SLC14A2: variants seen among roughly 807,000 people sequenced by gnomAD.
The protein encoded by SLC14A2 is solute carrier family 14 member 2.
Under a neutral mutation model 104.6 loss-of-function variants are expected in SLC14A2, and 91 were observed. That is an observed-to-expected ratio of 0.87 (90% CI 0.73 to 1.04). SLC14A2 has a LOEUF of 1.04. SLC14A2 is among the 50% of genes least tolerant of loss of function. The pLI is 0.00. For missense variants in SLC14A2, 1,189 were observed against 1,156.0 expected (o/e 1.03, Z -0.41); for synonymous variants, 476 against 466.4 (o/e 1.02, Z -0.27).
intron 2 of SLC14A2, among the ~76,000 whole-genome samples, chr18:45,545,025 C>T (rs2043949452): frequency 6.6e-6 from 1 of 152,014 alleles, no homozygotes; most frequent in Non-Finnish European, 1.5e-5. Flanking sequence ...AACTCCCGAC[C>T]TCAGGTGATC....
chr18:45,628,477 C>T (rs1244443549), intron 4 of SLC14A2, among the ~76,000 whole-genome samples: 2 of 150,550 alleles, frequency 1.3e-5, no homozygotes, highest in South Asian at 2.1e-4. Context: ...AGAAAGAAAT[C>T]GTTTTGGCCC....
intron 1 of SLC14A2, among the ~76,000 whole-genome samples, chr18:45,381,765 C>T (rs914752777): frequency 1.3e-4 from 19 of 151,982 alleles, no homozygotes; most frequent in African/African-American, 4.6e-4. Context: ...TGAGTGGCAC[C>T]AGGTTTGAGA....
chr18:45,485,450 T>C (rs1283669995), intron 2 of SLC14A2: 1 of 152,154 alleles, frequency 6.6e-6, no homozygotes, highest in Non-Finnish European at 1.5e-5. Flanking sequence ...GCACCTGGGT[T>C]GGTGAGGAGG....
chr18:45,291,303 A>G (rs1599648201), intron 1 of SLC14A2, among the ~76,000 whole-genome samples: 1 of 152,176 alleles, frequency 6.6e-6, no homozygotes, highest in Non-Finnish European at 1.5e-5. Flanking sequence ...AGAAAAAAAA[A>G]AGAGACAATT....
intron 2 of SLC14A2, among the ~76,000 whole-genome samples, chr18:45,505,354 C>A (rs1381061037): frequency 6.6e-6 from 1 of 152,098 alleles, no homozygotes; most frequent in African/African-American, 2.4e-5. Context: ...TGCCTGCTAT[C>A]CATGTAAATT....
At chr18:45,437,241 G>A (rs541109472) in intron 1 of SLC14A2, among the ~76,000 whole-genome samples, 18 of 152,320 alleles carry the variant, frequency 1.2e-4, no homozygotes, top group African/African-American at 3.8e-4. Flanking sequence ...AAAGCTACCA[G>A]AGAGGGAATT....
chr18:45,479,956 C>T (rs1416136036), intron 1 of SLC14A2, among the ~76,000 whole-genome samples: 1 of 152,100 alleles, frequency 6.6e-6, no homozygotes, highest in African/African-American at 2.4e-5. Context: ...TGAGGGTCTT[C>T]ATCATGGGTG....
intron 1 of SLC14A2, among the ~76,000 whole-genome samples, chr18:45,219,169 A>G (rs1372997161): frequency 6.6e-6 from 1 of 152,212 alleles, no homozygotes; most frequent in Non-Finnish European, 1.5e-5. Context: ...ACTTAGATTC[A>G]TAGTCAGATA....
At chr18:45,600,877 T>C (rs2044780372) in intron 2 of SLC14A2, among the ~76,000 whole-genome samples, 1 of 152,246 alleles carries the variant, frequency 6.6e-6, no homozygotes, top group Admixed American at 6.5e-5. Flanking sequence ...GCCCTGTTTA[T>C]ACAGGGCCAT....
At chr18:45,507,319 G>T (rs1282276413) in intron 2 of SLC14A2, 1 of 152,560 alleles carries the variant, frequency 6.6e-6, no homozygotes, top group East Asian at 1.9e-4. Flanking sequence ...ATGCGCAGAG[G>T]TCAGATGAGA....
intron 1 of SLC14A2, among the ~76,000 whole-genome samples, chr18:45,314,705 G>A (rs116658260): frequency 4.1e-3 from 628 of 152,308 alleles, no homozygotes; most frequent in African/African-American, 0.015. Flanking sequence ...TACTAGGTGA[G>A]GCTGTGTAAC....
At position 45,624,634 on chromosome 18, in the gene SLC14A2, A is replaced by G. The variant is rs763902065; in HGVS notation, c.-31A>G. ...CTTTCCCTTTCCTTCCGTCTAGTCC[A>G]TCGATAGAAGAGTGGCTGTGACCCG... On this transcript the variant is annotated 5_prime_UTR_variant, in exon 2 of 20. Coordinates refer to ENST00000255226, the MANE Select transcript of SLC14A2 (RefSeq NM_007163.4). 3.1e-6 allele frequency: 5 copies of G among 1,597,054 alleles called. No individual in the cohort carries two copies. Among genetic ancestry groups the G allele is most frequent in the Non-Finnish European group, 4.3e-6 (5 of 1,170,784 alleles).
chr18:45,519,946 G>A (rs576010920), intron 2 of SLC14A2, among the ~76,000 whole-genome samples: 17 of 152,260 alleles, frequency 1.1e-4, no homozygotes, highest in African/African-American at 3.4e-4. Flanking sequence ...AGGCTACTCT[G>A]GGTGTTAGCA....
At chr18:45,550,139 C>T (rs572501963) in intron 2 of SLC14A2, 1 of 152,224 alleles carries the variant, frequency 6.6e-6, no homozygotes, top group Non-Finnish European at 1.5e-5. Context: ...GACCTCATTA[C>T]CAAAGAAAAG....
At position 45,286,451 on chromosome 18, in the gene SLC14A2, C is replaced by T. The variant is rs575389785; in HGVS notation, c.-125+73260C>T. Among the ~76,000 whole-genome samples the T allele has an allele frequency of 2.0e-5, 3 of 152,274 alleles. No individual in the cohort carries two copies. The South Asian group carries it at 6.2e-4, about 32-fold the overall frequency. On this transcript the variant is annotated intron_variant, in intron 1 of 20. Transcript: ENST00000586448. ...TTTACTAAAACTCGATTTGTAATTTCTCATTTACACCAAGTTCCAAATTTT... is the reference window on the plus strand; with the variant it reads ...TTTACTAAAACTCGATTTGTAATTTTTCATTTACACCAAGTTCCAAATTTT...
intron 1 of SLC14A2, among the ~76,000 whole-genome samples, chr18:45,352,182 C>T (rs2085509897): frequency 6.6e-6 from 1 of 152,056 alleles, no homozygotes; most frequent in African/African-American, 2.4e-5. Context: ...CTTCAGTCAC[C>T]AGGAAATACT....
At chr18:45,561,731 C>A (rs1303692706) in intron 2 of SLC14A2, among the ~76,000 whole-genome samples, 1 of 152,178 alleles carries the variant, frequency 6.6e-6, no homozygotes, top group Admixed American at 6.5e-5. Flanking sequence ...GTACATATTT[C>A]TTTTTCATCC....
At chr18:45,220,109 T>A (rs761096552) in intron 1 of SLC14A2, among the ~76,000 whole-genome samples, 5 of 123,316 alleles carry the variant, frequency 4.1e-5, no homozygotes, top group Non-Finnish European at 9.1e-5. Context: ...TAGACTTAGA[T>A]CTGATATTGC....
intron 1 of SLC14A2, among the ~76,000 whole-genome samples, chr18:45,339,668 T>G (rs925501126): frequency 3.3e-5 from 5 of 151,934 alleles, no homozygotes; most frequent in Admixed American, 3.3e-4. Context: ...TTGTGGACAA[T>G]GAAAAGAGCA....
Sources: allele counts gnomAD v4.1 joint callset (sites outside exome capture counted in the v4.1 genomes callset), GRCh38; gene constraint gnomAD v4.1.1; transcripts MANE v1.5; gene names NCBI Gene and HGNC (gene_info 2026-07-23, HGNC 2026-07-21).